The following PPP1R2B variants were observed in gnomAD, a reference collection of about 807,000 sequenced individuals.
PPP1R2B encodes PPP1R2 family member B.
In PPP1R2B, 13 loss-of-function variants were observed where a neutral mutation model predicts 17.6. The observed-to-expected ratio is 0.74, with a 90% CI of 0.48 to 1.17. The LOEUF (loss-of-function observed/expected upper bound fraction) is 1.17, where lower values mean the gene tolerates loss of function less well. Among genes scored for constraint, PPP1R2B ranks in the 50% most tolerant of loss-of-function variants. The pLI, the probability that PPP1R2B is intolerant of heterozygous loss-of-function variation, is 0.00. For synonymous variants in PPP1R2B, 105 were observed against 95.4 expected, an observed-to-expected ratio of 1.10 and a Z score of -0.59; for missense variants, 230 against 252.4, an observed-to-expected ratio of 0.91 and a Z score of 0.60.
Position 156,850,418 on chromosome 5 carries a change from G to A in PPP1R2B, c.-145G>A. On this transcript the variant is annotated 5_prime_UTR_variant, in exon 1 of 1. Coordinates refer to ENST00000522232, the MANE Select transcript of PPP1R2B (RefSeq NM_206858.3). Reference sequence around the variant, plus strand: ...CGGGGTCGTTGTGACAACCGCTCCAGTAGCCGTTTCCGAGGCAGCAGGTGC... The same window carrying A: ...CGGGGTCGTTGTGACAACCGCTCCAATAGCCGTTTCCGAGGCAGCAGGTGC... 2 of 1,008,142 alleles carry A rather than the reference G, an allele frequency of 2.0e-6. No homozygotes were observed. Among genetic ancestry groups the A allele is most frequent in the South Asian group, 1.7e-5 (1 of 58,786 alleles). The allele number at this position is 1,008,142 out of a possible 1,614,324, so 62.4% of individuals were successfully genotyped here.
Position 156,850,657 on chromosome 5 carries a change from C to T in PPP1R2B, c.95C>T (p.Pro32Leu), listed in dbSNP as rs768050629. The change falls in exon 1 of 1, where the codon CCC becomes CTC. Residue 32 changes from proline (P) to leucine (L), a missense_variant. Transcript: ENST00000522232. ...TCTATGGTGGCGTCGGCCGAACAGC[C>T]CCGCAGGAGTGTCGACGAGGAGCTG... ...TSSMVASAEQ[P>L]RRSVDEELSK... 2 of 1,594,956 alleles carry T rather than the reference C, an allele frequency of 1.3e-6. No individual in the cohort carries two copies. Among genetic ancestry groups the T allele is most frequent in the African/African-American group, 1.3e-5 (1 of 74,570 alleles).
chr5:156,850,725 A>AC lies in PPP1R2B; in HGVS notation c.165dup (p.Tyr56LeufsTer15). ...GTGGGATGAAATTAACATCTTGGCG[A>AC]CCTATCATCCAGCAGACAAAGGCTA... On this transcript the variant is annotated frameshift_variant, in exon 1 of 1. Transcript: ENST00000522232. LOFTEE classifies it high-confidence loss of function. The AC allele has an allele frequency of 6.5e-7, 1 of 1,542,540 alleles. No individual in the cohort carries two copies. The highest frequency in any genetic ancestry group is 1.1e-5 in the South Asian group (1 of 89,578).
chr5:156,851,180 G>C lies in PPP1R2B; in HGVS notation c.618G>C (p.Ter206TyrextTer46). 6.4e-7 allele frequency: 1 copy of C among 1,555,918 alleles called. No individual in the cohort carries two copies. The highest frequency in any genetic ancestry group is 8.9e-7 in the Non-Finnish European group (1 of 1,127,356). ...DQQQNKLRSS[*>Y] ...AGCAAAACAAATTACGAAGTTCATA[G>C]AAGAGATTTGTTCAACACTGCAATT... The change falls in exon 1 of 1, where the codon TAG becomes TAC. Residue 206 changes from the stop codon to tyrosine (Y), a stop_lost. Transcript: ENST00000522232.
rs1298537282 is a variant in PPP1R2B, at chr5:156,852,192, A to G, written c.*1012A>G. The G allele has an allele frequency of 6.6e-6, 1 of 152,160 alleles. No homozygotes were observed. The highest frequency in any genetic ancestry group is 1.5e-5 in the Non-Finnish European group (1 of 67,996). 9.4% of individuals were successfully genotyped at this position (152,160 alleles called of 1,614,324 possible). A position where few individuals can be genotyped will look rare whatever the true frequency, so the allele number is the denominator to read the frequency against. On this transcript the variant is annotated 3_prime_UTR_variant, in exon 1 of 1. Transcript: ENST00000522232. ...GTAGCAGCAGTACTATAGGCAGGAA[A>G]TACAGTTTAACTGCTGAATTTCTAT...
At position 156,850,857 on chromosome 5, in the gene PPP1R2B, A is replaced by G. The variant is rs781056099; in HGVS notation, c.295A>G (p.Ile99Val). 3.8e-6 allele frequency: 6 copies of G among 1,578,404 alleles called. No homozygotes were observed. The African/African-American group carries it at 6.8e-5, about 18-fold the overall frequency. The change falls in exon 1 of 1, where the codon ATC becomes GTC. Residue 99 changes from isoleucine (I) to valine (V), a missense_variant. Transcript: ENST00000522232. ...GACCACTGAAGCCATGGCGCCAGAC[A>G]TCCTAGCCAAGAAATTAGCTGCTGC... is the stretch of plus-strand genomic sequence containing the variant. Reference protein sequence around the residue: ...TETTEAMAPDILAKKLAAAEG... With the variant: ...TETTEAMAPDVLAKKLAAAEG...
chr5:156,850,481 C>A lies in PPP1R2B; in HGVS notation c.-82C>A, dbSNP rs552680867. ...CCTGAGCGGGCTCTGCGGCTGCCTGCGAGTCTCTGCTGTGCCGACCCTTCT... is the reference window on the plus strand; with the variant it reads ...CCTGAGCGGGCTCTGCGGCTGCCTGAGAGTCTCTGCTGTGCCGACCCTTCT... On this transcript the variant is annotated 5_prime_UTR_variant, in exon 1 of 1. Coordinates refer to ENST00000522232, the MANE Select transcript of PPP1R2B (RefSeq NM_206858.3). 4 of 1,501,188 alleles carry A rather than the reference C, an allele frequency of 2.7e-6. No homozygotes were observed. Among genetic ancestry groups the A allele is most frequent in the South Asian group, 2.5e-5 (2 of 79,806 alleles). The allele number at this position is 1,501,188 out of a possible 1,614,324, so 93.0% of individuals were successfully genotyped here.
In PPP1R2B at chr5:156,851,607, T is replaced by C. The variant is rs1189576887; in HGVS notation, c.*427T>C. 5.4e-6 allele frequency: 1 copy of C among 186,016 alleles called. No individual in the cohort carries two copies. The allele number at this position is 186,016 out of a possible 1,614,324, so 11.5% of individuals were successfully genotyped here. Reference sequence around the variant, plus strand: ...AAAGCCAGTTGAACAACAGGATATATAGACTTATAAATATTCAAGCTGAAT... The same window carrying C: ...AAAGCCAGTTGAACAACAGGATATACAGACTTATAAATATTCAAGCTGAAT... On this transcript the variant is annotated 3_prime_UTR_variant, in exon 1 of 1. Transcript: ENST00000522232.
rs1462150562 is a variant in PPP1R2B at position 156,850,340 on chromosome 5, G to A, written c.-223G>A. Among the ~76,000 whole-genome samples the A allele has an allele frequency of 2.7e-5, 4 of 149,986 alleles. No individual in the cohort carries two copies. Among genetic ancestry groups the A allele is most frequent in the South Asian group, 2.1e-4 (1 of 4,722 alleles). On this transcript the variant is annotated 5_prime_UTR_variant, in exon 1 of 1. Transcript: ENST00000522232. ...CTCCGCGAGCCGCGGGTCAAGTGCC[G>A]GCGGCTAATGGTGCGCGAGGAGCCG... is the stretch of plus-strand genomic sequence containing the variant.
In PPP1R2B at chr5:156,851,208, T is replaced by C; in HGVS notation, c.*28T>C. The C allele has an allele frequency of 6.6e-7, 1 of 1,512,362 alleles. No homozygotes were observed. The highest frequency in any genetic ancestry group is 9.2e-7 in the Non-Finnish European group (1 of 1,088,764). 93.7% of individuals were successfully genotyped at this position (1,512,362 alleles called of 1,614,324 possible). On this transcript the variant is annotated 3_prime_UTR_variant, in exon 1 of 1. Coordinates refer to ENST00000522232, the MANE Select transcript of PPP1R2B (RefSeq NM_206858.3). ...GAGATTTGTTCAACACTGCAATTGT[T>C]TGTTAGATATAAACCCTGTGACTAT...
rs1022756667 is a variant in PPP1R2B at position 156,850,501 on chromosome 5, C to A, written c.-62C>A. The A allele has an allele frequency of 3.8e-5, 59 of 1,552,268 alleles. No homozygotes were observed. In the African/African-American group the frequency reaches 7.0e-4, roughly 18 times the overall value. On this transcript the variant is annotated 5_prime_UTR_variant, in exon 1 of 1. Transcript: ENST00000522232. ...GCCTGCGAGTCTCTGCTGTGCCGAC[C>A]CTTCTCTTCGCGGACCCCACGCCAA...
rs1380923702 is a variant in PPP1R2B at position 156,851,099 on chromosome 5, T to G, written c.537T>G (p.Asp179Glu). Residue 179 changes from aspartate to glutamate, a missense_variant, in exon 1 of 1, where the codon GAT (aspartate) becomes GAG (glutamate). Asp to Glu is a conservative substitution (Grantham distance 45). Coordinates refer to ENST00000522232, the MANE Select transcript of PPP1R2B (RefSeq NM_206858.3). ...ATGAAGAAATGTTAGAGACTGCAGA[T>G]GGAGAAAGCATGAATACGGAAGAAT... ...DEDEEMLETA[D>E]GESMNTEESN... The G allele has an allele frequency of 6.3e-7, 1 of 1,594,080 alleles. No homozygotes were observed. Among genetic ancestry groups the G allele is most frequent in the African/African-American group, 1.3e-5 (1 of 74,474 alleles).
rs1357356066 is a variant in PPP1R2B, at chr5:156,851,298, A to G, written c.*118A>G. The G allele has an allele frequency of 6.4e-6, 5 of 782,290 alleles. No homozygotes were observed. The highest frequency in any genetic ancestry group is 5.2e-5 in the East Asian group (2 of 38,584). 48.5% of individuals were successfully genotyped at this position (782,290 alleles called of 1,614,324 possible). ...TACCAAAATGCATACCAGTTATTAT[A>G]TATTGCCAAGAATTAAATGATAAAC... On this transcript the variant is annotated 3_prime_UTR_variant, in exon 1 of 1. Transcript: ENST00000522232.
Position 156,851,218 on chromosome 5 carries a change from T to G in PPP1R2B, c.*38T>G. On this transcript the variant is annotated 3_prime_UTR_variant, in exon 1 of 1. Transcript: ENST00000522232. ...CAACACTGCAATTGTTTGTTAGATA[T>G]AAACCCTGTGACTATAATACATTGC... The G allele has an allele frequency of 6.8e-7, 1 of 1,476,518 alleles. No individual in the cohort carries two copies. The highest frequency in any genetic ancestry group is 9.5e-7 in the Non-Finnish European group (1 of 1,056,754). The allele number at this position is 1,476,518 out of a possible 1,614,324, so 91.5% of individuals were successfully genotyped here.
Position 156,851,422 on chromosome 5 carries a change from C to A in PPP1R2B, c.*242C>A. 3.5e-6 allele frequency: 2 copies of A among 569,054 alleles called. No individual in the cohort carries two copies. The highest frequency in any genetic ancestry group is 6.2e-6 in the Non-Finnish European group (2 of 324,430). 35.3% of individuals were successfully genotyped at this position (569,054 alleles called of 1,614,324 possible). ...GTGTAATATCATCAGTCCAAAACTG[C>A]ATTACTTTCATAAGAACACTGGTTA... is the stretch of plus-strand genomic sequence containing the variant. On this transcript the variant is annotated 3_prime_UTR_variant, in exon 1 of 1. Coordinates refer to ENST00000522232, the MANE Select transcript of PPP1R2B (RefSeq NM_206858.3).
Position 156,850,777 on chromosome 5 carries a change from G to C in PPP1R2B, c.215G>C (p.Ser72Thr), listed in dbSNP as rs1423513268. The C allele has an allele frequency of 1.3e-6, 2 of 1,515,022 alleles. No individual in the cohort carries two copies. Among genetic ancestry groups the C allele is most frequent in the Non-Finnish European group, 1.8e-6 (2 of 1,089,918 alleles). The allele number at this position is 1,515,022 out of a possible 1,614,324, so 93.8% of individuals were successfully genotyped here. ...GYGLMKIDEP[S>T]PPYHSMMGDD... ...GGTTTAATGAAAATAGATGAACCAA[G>C]CCCTCCTTACCATAGTATGATGGGT... The change falls in exon 1 of 1, where the codon AGC (serine) becomes ACC (threonine). Residue 72 changes from serine to threonine, a missense_variant. Transcript: ENST00000522232.
In PPP1R2B at chr5:156,851,040, T is replaced by G; in HGVS notation, c.478T>G (p.Leu160Val). Residue 160 changes from leucine (L) to valine (V), a missense_variant, in exon 1 of 1, where the codon TTA becomes GTA. Transcript: ENST00000522232. ...ACTCAATATCAAACTAGCCAGACAA[T>G]TAATTTCAAAAGACCTACATGATGA... ...EGLNIKLARQ[L>V]ISKDLHDDDE... 3.1e-6 allele frequency: 5 copies of G among 1,612,116 alleles called. No individual in the cohort carries two copies. Among genetic ancestry groups the G allele is most frequent in the Non-Finnish European group, 4.2e-6 (5 of 1,178,290 alleles).
rs1758479351 is a variant in PPP1R2B at position 156,851,393 on chromosome 5, T to C, written c.*213T>C. 1.6e-6 allele frequency: 1 copy of C among 606,780 alleles called. No homozygotes were observed. Among genetic ancestry groups the C allele is most frequent in the Non-Finnish European group, 2.9e-6 (1 of 344,448 alleles). The allele number at this position is 606,780 out of a possible 1,614,324, so 37.6% of individuals were successfully genotyped here. A position where few individuals can be genotyped will look rare whatever the true frequency, so the allele number is the denominator to read the frequency against. On this transcript the variant is annotated 3_prime_UTR_variant, in exon 1 of 1. Coordinates refer to ENST00000522232, the MANE Select transcript of PPP1R2B (RefSeq NM_206858.3). ...CTTATGCCTAGTACTTTACCACAAA[T>C]ACAGTGTAATATCATCAGTCCAAAA...
At position 156,852,056 on chromosome 5, in the gene PPP1R2B, G is replaced by A. The variant is rs766254464; in HGVS notation, c.*876G>A. On this transcript the variant is annotated 3_prime_UTR_variant, in exon 1 of 1. Coordinates refer to ENST00000522232, the MANE Select transcript of PPP1R2B (RefSeq NM_206858.3). ...TTTAAAGGATCATTAAGATTGTCACGACATTAGGAACTCTTTCTGTCACTC... is the reference window on the plus strand; with the variant it reads ...TTTAAAGGATCATTAAGATTGTCACAACATTAGGAACTCTTTCTGTCACTC... The A allele has an allele frequency of 2.6e-5, 4 of 152,010 alleles. No individual in the cohort carries two copies. Among genetic ancestry groups the A allele is most frequent in the Non-Finnish European group, 5.9e-5 (4 of 67,974 alleles). The allele number at this position is 152,010 out of a possible 1,614,324, so 9.4% of individuals were successfully genotyped here.
chr5:156,851,377 A>T lies in PPP1R2B; in HGVS notation c.*197A>T, dbSNP rs537561046. 1.6e-6 allele frequency: 1 copy of T among 614,882 alleles called. No homozygotes were observed. The highest frequency in any genetic ancestry group is 2.7e-5 in the East Asian group (1 of 36,632). 38.1% of individuals were successfully genotyped at this position (614,882 alleles called of 1,614,324 possible). ...AATTGATATATATATTCTTATGCCT[A>T]GTACTTTACCACAAATACAGTGTAA... is the stretch of plus-strand genomic sequence containing the variant. On this transcript the variant is annotated 3_prime_UTR_variant, in exon 1 of 1. Transcript: ENST00000522232.
Sources: allele counts gnomAD v4.1 joint callset (sites outside exome capture counted in the v4.1 genomes callset), GRCh38; gene constraint gnomAD v4.1.1; transcripts MANE v1.5; gene names NCBI Gene and HGNC (gene_info 2026-07-23, HGNC 2026-07-21).